Variants in SLC35F4 observed in about 807,000 individuals in gnomAD.
SLC35F4 encodes solute carrier family 35 member F4, also known as chromosome 14 open reading frame 36.
Under a neutral mutation model 44.2 loss-of-function variants are expected in SLC35F4, and 24 were observed. The observed-to-expected ratio is 0.54, with a 90% CI of 0.39 to 0.76. The LOEUF (loss-of-function observed/expected upper bound fraction) is 0.76, where lower values mean the gene tolerates loss of function less well. Among genes scored for constraint, SLC35F4 ranks in the 30% least tolerant of loss-of-function variants. The pLI is 0.00. For synonymous variants in SLC35F4, 238 were observed against 223.6 expected (o/e 1.06, Z -0.57); for missense variants, 562 against 586.1 (o/e 0.96, Z 0.42).
At chr14:57,600,088 A>T (rs1281790115) in intron 1 of SLC35F4, among the ~76,000 whole-genome samples, 3 of 152,172 alleles carry the variant, frequency 2.0e-5, no homozygotes, top group African/African-American at 7.2e-5. Flanking sequence ...TGTTTCTACA[A>T]CAATGCTATG....
At chr14:57,795,416 T>C (rs1347954235) in intron 1 of SLC35F4, among the ~76,000 whole-genome samples, 1 of 152,102 alleles carries the variant, frequency 6.6e-6, no homozygotes, top group Admixed American at 6.6e-5. Context: ...GAAGGAAAAA[T>C]AATTCAAGAG....
Position 57,569,952 on chromosome 14 carries a change from G to T in SLC35F4, c.962C>A (p.Ala321Asp). Residue 321 changes from alanine (A) to aspartate (D), a missense_variant, in exon 6 of 8, where the codon GCC becomes GAC. Coordinates refer to ENST00000556826, the MANE Select transcript of SLC35F4 (RefSeq NM_001306087.2). Reference protein sequence around the residue: ...KVLFKMFLGSANFGEAAHFVS... With the variant: ...KVLFKMFLGSDNFGEAAHFVS... ...AAAGTGTGCAGCTTCCCCAAAGTTG[G>T]CACTTCCAAGAAACATTTTAAACAA... The T allele has an allele frequency of 6.2e-7, 1 of 1,608,782 alleles. No homozygotes were observed. Among genetic ancestry groups the T allele is most frequent in the Non-Finnish European group, 8.5e-7 (1 of 1,178,200 alleles).
intron 1 of SLC35F4, among the ~76,000 whole-genome samples, chr14:57,725,608 C>T (rs557630503): frequency 7.9e-5 from 12 of 152,224 alleles, no homozygotes; most frequent in Non-Finnish European, 1.5e-4. Flanking sequence ...GTGTGGCAGT[C>T]AGCTCATCCT....
chr14:57,751,622 A>T (rs2140563890), intron 1 of SLC35F4, among the ~76,000 whole-genome samples: 1 of 152,302 alleles, frequency 6.6e-6, no homozygotes, highest in Admixed American at 6.5e-5. Flanking sequence ...ACTTTGGTTA[A>T]TATTTGATTA....
At chr14:57,926,062 G>A (rs1256293952) in intron 1 of SLC35F4, among the ~76,000 whole-genome samples, 1 of 152,184 alleles carries the variant, frequency 6.6e-6, no homozygotes, top group Non-Finnish European at 1.5e-5. Context: ...GTTCCCGTAT[G>A]TGTAAAATGA....
At position 57,571,904 on chromosome 14, in the gene SLC35F4, G is replaced by A. The variant is rs1424204484; in HGVS notation, c.923C>T (p.Ala308Val). The A allele has an allele frequency of 1.2e-6, 2 of 1,612,208 alleles. No individual in the cohort carries two copies. Among genetic ancestry groups the A allele is most frequent in the East Asian group, 2.2e-5 (1 of 44,798 alleles). The change falls in exon 5 of 8, where the codon GCA (alanine) becomes GTA (valine). Residue 308 changes from alanine to valine, a missense_variant. Coordinates refer to ENST00000556826, the MANE Select transcript of SLC35F4 (RefSeq NM_001306087.2). ...AAGTGCACAACATACCTTATATAAT[G>A]CAGATGTAGAGGCTGAGCCCACCGC... Reference protein sequence around the residue: ...AFAVGSASTSALYKVLFKMFL... With the variant: ...AFAVGSASTSVLYKVLFKMFL...
At chr14:57,648,793 ACT>A (rs1249138128) in intron 1 of SLC35F4, among the ~76,000 whole-genome samples, 2 of 152,134 alleles carry the variant, frequency 1.3e-5, no homozygotes, top group African/African-American at 2.4e-5. Context: ...TTGTAGAATC[ACT>A]CTCTCTCACA....
chr14:57,647,457 G>C (rs549645695), intron 1 of SLC35F4, among the ~76,000 whole-genome samples: 3 of 151,606 alleles, frequency 2.0e-5, no homozygotes, highest in Non-Finnish European at 4.4e-5. Context: ...TAGAGCTAAT[G>C]GTGTCTTACA....
intron 1 of SLC35F4, among the ~76,000 whole-genome samples, chr14:57,742,118 C>T (rs928291772): frequency 2.6e-5 from 4 of 152,192 alleles, no homozygotes; most frequent in African/African-American, 9.7e-5. Flanking sequence ...ACTGAAAAAA[C>T]ATGCCAAATT....
At chr14:57,702,746 T>C (rs2075574250) in intron 1 of SLC35F4, among the ~76,000 whole-genome samples, 1 of 152,154 alleles carries the variant, frequency 6.6e-6, no homozygotes, top group Non-Finnish European at 1.5e-5. Flanking sequence ...GCTTTTCCAT[T>C]ATTAATCACA....
At chr14:57,842,202 A>C (rs533219094) in intron 1 of SLC35F4, among the ~76,000 whole-genome samples, 3 of 152,306 alleles carry the variant, frequency 2.0e-5, no homozygotes, top group South Asian at 4.1e-4. Context: ...AACTCACAAA[A>C]TATTTTTTCC....
intron 1 of SLC35F4, among the ~76,000 whole-genome samples, chr14:57,644,461 G>GAT (rs1555365488): frequency 6.7e-6 from 1 of 148,520 alleles, no homozygotes; most frequent in African/African-American, 2.5e-5. Flanking sequence ...TTTTTGATGG[G>GAT]TTTTTTTTTT....
chr14:57,660,021 T>G (rs1594734647), intron 1 of SLC35F4, among the ~76,000 whole-genome samples: 1 of 152,168 alleles, frequency 6.6e-6, no homozygotes, highest in Middle Eastern at 3.4e-3. Context: ...CCACAAGAAA[T>G]GTGAGGAGCT....
intron 1 of SLC35F4, among the ~76,000 whole-genome samples, chr14:57,827,333 C>T (rs748402609): frequency 8.5e-5 from 13 of 152,124 alleles, no homozygotes; most frequent in Middle Eastern, 3.4e-3. Flanking sequence ...GAACAACACA[C>T]ACTAGGACCT....
intron 1 of SLC35F4, among the ~76,000 whole-genome samples, chr14:57,864,513 G>A (rs1442715114): frequency 1.3e-5 from 2 of 152,200 alleles, no homozygotes; most frequent in South Asian, 2.1e-4. Flanking sequence ...ATGGAACAAA[G>A]CTCTTGAATT....
intron 1 of SLC35F4, among the ~76,000 whole-genome samples, chr14:57,760,440 T>G (rs924263663): frequency 1.3e-5 from 2 of 152,186 alleles, no homozygotes; most frequent in Non-Finnish European, 2.9e-5. Flanking sequence ...ACCTTTATAA[T>G]ATATTTCAAA....
At chr14:57,679,667 T>G (rs1157012191) in intron 1 of SLC35F4, among the ~76,000 whole-genome samples, 1 of 151,466 alleles carries the variant, frequency 6.6e-6, no homozygotes, top group African/African-American at 2.4e-5. Context: ...ATCAAATAGA[T>G]GCAATAAAAA....
intron 1 of SLC35F4, among the ~76,000 whole-genome samples, chr14:57,680,976 A>T (rs1227964037): frequency 6.6e-6 from 1 of 152,142 alleles, no homozygotes; most frequent in Non-Finnish European, 1.5e-5. Flanking sequence ...TGTTCTTCCC[A>T]TCAAGCTACC....
At chr14:57,902,255 A>G (rs1889016332) in intron 1 of SLC35F4, among the ~76,000 whole-genome samples, 1 of 152,140 alleles carries the variant, frequency 6.6e-6, no homozygotes, top group Non-Finnish European at 1.5e-5. Flanking sequence ...AAAAATGTTC[A>G]TATCCTTTAA....
Sources: gnomAD v4.1 joint callset for allele counts (sites outside exome capture counted in the v4.1 genomes callset) on GRCh38, gnomAD v4.1.1 for gene constraint, MANE v1.5 for transcripts, NCBI Gene and HGNC (gene_info 2026-07-23, HGNC 2026-07-21) for gene names.